The following WASF2 variants were observed in gnomAD, a reference collection of about 807,000 sequenced individuals.
WASF2 encodes WASP family member 2.
Under a neutral mutation model 45.0 loss-of-function variants are expected in WASF2, and 14 were observed. The observed-to-expected ratio is 0.31, with a 90% CI of 0.21 to 0.49. The LOEUF is 0.49. Among genes scored for constraint, WASF2 ranks in the 20% least tolerant of loss-of-function variants. WASF2 has a pLI of 0.99. For synonymous variants in WASF2, 200 were observed against 236.3 expected (o/e 0.85, Z 1.41); for missense variants, 439 against 636.1 (o/e 0.69, Z 3.33).
chr1:27,488,280 C>T (rs1348151129), intron 1 of WASF2, among the ~76,000 whole-genome samples: 1 of 152,186 alleles, frequency 6.6e-6, no homozygotes, highest in Non-Finnish European at 1.5e-5. Flanking sequence ...CAAGTTATTG[C>T]ACCCAACTAC....
intron 1 of WASF2, among the ~76,000 whole-genome samples, chr1:27,470,173 C>A (rs1291785706): frequency 6.6e-6 from 1 of 152,172 alleles, no homozygotes; most frequent in Non-Finnish European, 1.5e-5. Context: ...CGCATTATTG[C>A]GCCTGTAGTG....
chr1:27,456,473 A>G (rs900297963), intron 1 of WASF2, among the ~76,000 whole-genome samples: 1 of 152,304 alleles, frequency 6.6e-6, no homozygotes, highest in Admixed American at 6.5e-5. Context: ...GTAGAGGTCC[A>G]TATCAGATAG....
chr1:27,445,401 T>C (rs1396795912), intron 1 of WASF2, among the ~76,000 whole-genome samples: 1 of 152,176 alleles, frequency 6.6e-6, no homozygotes, highest in Non-Finnish European at 1.5e-5. Context: ...ACTGACTCTA[T>C]GCAAAACACC....
At chr1:27,420,412 A>G (rs965627541) in intron 2 of WASF2, among the ~76,000 whole-genome samples, 1 of 152,116 alleles carries the variant, frequency 6.6e-6, no homozygotes, top group African/African-American at 2.4e-5. Context: ...CCAAAGAAAC[A>G]TAACAGCAAT....
chr1:27,450,613 G>A (rs2017371730), intron 1 of WASF2, among the ~76,000 whole-genome samples: 1 of 152,066 alleles, frequency 6.6e-6, no homozygotes, highest in Admixed American at 6.6e-5. Flanking sequence ...CGATTCTTCT[G>A]CCTCAGCCTC....
At chr1:27,477,835 C>G (rs1157099386) in intron 1 of WASF2, among the ~76,000 whole-genome samples, 1 of 109,790 alleles carries the variant, frequency 9.1e-6, no homozygotes, top group African/African-American at 4.3e-5. Context: ...GGAGGCGGAG[C>G]TTGCAGTGAG....
intron 1 of WASF2, among the ~76,000 whole-genome samples, chr1:27,430,095 C>G (rs987326907): frequency 4.6e-5 from 7 of 152,186 alleles, no homozygotes; most frequent in African/African-American, 1.7e-4. Context: ...GGAAATCCCC[C>G]AGCACTTCAG....
chr1:27,420,111 C>T (rs1166557589), intron 2 of WASF2, among the ~76,000 whole-genome samples: 1 of 152,028 alleles, frequency 6.6e-6, no homozygotes, highest in Non-Finnish European at 1.5e-5. Context: ...TGCCAGGTTG[C>T]CCAGGCTGGT....
chr1:27,438,517 G>A (rs533492369), intron 1 of WASF2, among the ~76,000 whole-genome samples: 6 of 152,338 alleles, frequency 3.9e-5, no homozygotes, highest in African/African-American at 1.4e-4. Flanking sequence ...CCCTCTCTGG[G>A]ATGGAAAGAC....
intron 1 of WASF2, among the ~76,000 whole-genome samples, chr1:27,429,151 T>C (rs1212388248): frequency 1.2e-4 from 1 of 8,242 alleles, no homozygotes; most frequent in Non-Finnish European, 6.3e-4. Context: ...TATGTAAGTT[T>C]AGAAATTCTG....
At chr1:27,435,823 T>TA (rs1245595217) in intron 1 of WASF2, among the ~76,000 whole-genome samples, 1 of 152,214 alleles carries the variant, frequency 6.6e-6, no homozygotes, top group Non-Finnish European at 1.5e-5. Flanking sequence ...TCATGACAAA[T>TA]AAACAATGCT....
chr1:27,423,641 A>G (rs1557600113), intron 2 of WASF2, among the ~76,000 whole-genome samples: 1 of 152,186 alleles, frequency 6.6e-6, no homozygotes, highest in Non-Finnish European at 1.5e-5. Context: ...TTCAGAGTTA[A>G]ATTTCACTCA....
intron 1 of WASF2, among the ~76,000 whole-genome samples, chr1:27,454,151 GTGTA>G (rs1487531560): frequency 3.7e-5 from 3 of 81,080 alleles, no homozygotes; most frequent in African/African-American, 5.2e-5. Flanking sequence ...GTGTGTGTGT[GTGTA>G]TATATATATA....
At chr1:27,413,330 TC>T (rs2016789714) in intron 6 of WASF2, among the ~76,000 whole-genome samples, 1 of 152,184 alleles carries the variant, frequency 6.6e-6, no homozygotes, top group Non-Finnish European at 1.5e-5. Flanking sequence ...TGAAAACCTG[TC>T]CCTCAGTGCA....
intron 1 of WASF2, among the ~76,000 whole-genome samples, chr1:27,469,206 T>C (rs1436728483): frequency 2.0e-5 from 3 of 152,132 alleles, no homozygotes; most frequent in African/African-American, 4.8e-5. Context: ...CTAAGGGGGA[T>C]GAGGGAACGA....
intron 1 of WASF2, among the ~76,000 whole-genome samples, chr1:27,486,460 AT>A (rs1386403358): frequency 6.6e-6 from 1 of 152,218 alleles, no homozygotes; most frequent in Non-Finnish European, 1.5e-5. Context: ...CGTGCAATAA[AT>A]TCAGTGTCTT....
intron 6 of WASF2, among the ~76,000 whole-genome samples, chr1:27,413,602 G>A (rs1312790609): frequency 6.6e-6 from 1 of 152,104 alleles, no homozygotes; most frequent in Non-Finnish European, 1.5e-5. Context: ...CTCTTTATAG[G>A]TTCACCAACA....
chr1:27,454,395 G>A (rs977433644), intron 1 of WASF2, among the ~76,000 whole-genome samples: 3 of 149,186 alleles, frequency 2.0e-5, no homozygotes, highest in Middle Eastern at 3.6e-3. Flanking sequence ...TGTTGTTCAC[G>A]GTGAAGTGCA....
chr1:27,444,817 T>G (rs2017290807), intron 1 of WASF2, among the ~76,000 whole-genome samples: 1 of 152,246 alleles, frequency 6.6e-6, no homozygotes, highest in Non-Finnish European at 1.5e-5. Context: ...CAATACATTC[T>G]TCAAGAGACT....
Sources: allele counts gnomAD v4.1 joint callset (sites outside exome capture counted in the v4.1 genomes callset), GRCh38; gene constraint gnomAD v4.1.1; transcripts MANE v1.5; gene names NCBI Gene and HGNC (gene_info 2026-07-23, HGNC 2026-07-21).